The following ROBO1 variants were observed in gnomAD, a reference collection of about 807,000 sequenced individuals.
ROBO1 encodes the protein roundabout homolog 1.
Under a neutral mutation model 195.9 loss-of-function variants are expected in ROBO1, and 149 were observed. That is an observed-to-expected ratio of 0.76 (90% CI 0.67 to 0.87). ROBO1 has a LOEUF of 0.87. ROBO1 is among the 40% of genes least tolerant of loss of function. The probability of loss-of-function intolerance (pLI) is 0.00; values close to 1 mark genes in which losing one functional copy is unlikely to be tolerated. For synonymous variants in ROBO1, 816 were observed against 733.2 expected (o/e 1.11, Z -1.82); for missense variants, 1,933 against 2,068.3 (o/e 0.93, Z 1.27).
At position 79,054,640 on chromosome 3, in the gene ROBO1, G is replaced by A. The variant is rs551076158; in HGVS notation, c.172+70816C>T. 1.2e-4 allele frequency among the ~76,000 whole-genome samples: 19 copies of A among 152,164 alleles called. No individual in the cohort carries two copies. In the East Asian group the frequency reaches 1.7e-3, roughly 14 times the overall value. ...AATTGAGGTCAACTTGGTCATACTC[G>A]TAAAAATTGCACTTAAAAACTTAAA... On this transcript the variant is annotated intron_variant, in intron 3 of 30. Coordinates refer to ENST00000464233, the MANE Select transcript of ROBO1 (RefSeq NM_002941.4).
chr3:78,985,862 T>C (rs1251676340), intron 3 of ROBO1, among the ~76,000 whole-genome samples: 2 of 152,138 alleles, frequency 1.3e-5, no homozygotes, highest in Admixed American at 6.6e-5. Flanking sequence ...TAAAGTATCA[T>C]GGAAATTCTG....
chr3:78,931,147 A>AC (rs2039499932), intron 4 of ROBO1, among the ~76,000 whole-genome samples: 1 of 150,158 alleles, frequency 6.7e-6, no homozygotes, highest in Admixed American at 6.6e-5. Flanking sequence ...AAAAAAAATC[A>AC]CTTTTTTTTG....
intron 2 of ROBO1, among the ~76,000 whole-genome samples, chr3:79,316,818 A>T (rs1488435186): frequency 1.3e-5 from 2 of 152,134 alleles, no homozygotes; most frequent in Admixed American, 1.3e-4. Flanking sequence ...AATTAAATAT[A>T]TCAATGGCCA....
intron 1 of ROBO1, among the ~76,000 whole-genome samples, chr3:79,721,482 A>C (rs560276275): frequency 2.6e-5 from 4 of 152,316 alleles, no homozygotes; most frequent in East Asian, 1.9e-4. Context: ...GGAAACTGTC[A>C]AACTTTCTGG....
intron 2 of ROBO1, among the ~76,000 whole-genome samples, chr3:79,581,444 T>C (rs1943658695): frequency 6.6e-6 from 1 of 152,148 alleles, no homozygotes; most frequent in African/African-American, 2.4e-5. Flanking sequence ...TACGAGTTTC[T>C]TCATTGAGTA....
intron 1 of ROBO1, among the ~76,000 whole-genome samples, chr3:79,751,493 C>A (rs1704128661): frequency 6.6e-6 from 1 of 152,012 alleles, no homozygotes; most frequent in South Asian, 2.1e-4. Context: ...TAGGTAAAAT[C>A]ACTTATCTGT....
chr3:79,680,734 G>C (rs1482190026), intron 1 of ROBO1, among the ~76,000 whole-genome samples: 1 of 151,964 alleles, frequency 6.6e-6, no homozygotes, highest in Admixed American at 6.6e-5. Context: ...GGAATTGAGA[G>C]TGTTGTATTA....
At chr3:79,574,236 C>T (rs987272166) in intron 2 of ROBO1, among the ~76,000 whole-genome samples, 1 of 151,948 alleles carries the variant, frequency 6.6e-6, no homozygotes, top group African/African-American at 2.4e-5. Flanking sequence ...TTTAATACAG[C>T]ACTTTCAATA....
intron 2 of ROBO1, among the ~76,000 whole-genome samples, chr3:79,459,499 A>G (rs1038315452): frequency 1.4e-5 from 2 of 146,662 alleles, no homozygotes; most frequent in East Asian, 4.0e-4. Context: ...AACCAATAAT[A>G]TTTTCATTGA....
intron 3 of ROBO1, among the ~76,000 whole-genome samples, chr3:79,052,500 ATG>A (rs1307189886): frequency 6.6e-6 from 1 of 152,000 alleles, no homozygotes; most frequent in African/African-American, 2.4e-5. Flanking sequence ...CCTTTGAAGT[ATG>A]TGATCTCTGT....
chr3:79,230,388 G>A (rs1279411415), intron 2 of ROBO1, among the ~76,000 whole-genome samples: 1 of 151,938 alleles, frequency 6.6e-6, no homozygotes, highest in African/African-American at 2.4e-5. Context: ...GTAGATTGCT[G>A]CGGTGATAGC....
chr3:79,007,382 T>G (rs1309781669), intron 3 of ROBO1, among the ~76,000 whole-genome samples: 1 of 152,164 alleles, frequency 6.6e-6, no homozygotes, highest in African/African-American at 2.4e-5. Flanking sequence ...AAGACCGTGC[T>G]CAGGGTACCA....
intron 2 of ROBO1, among the ~76,000 whole-genome samples, chr3:79,241,221 C>T (rs1046392972): frequency 6.6e-6 from 1 of 152,112 alleles, no homozygotes; most frequent in African/African-American, 2.4e-5. Context: ...GCTACAAAGT[C>T]TCTAGATAGC....
At chr3:79,175,026 C>T (rs1002837237) in intron 2 of ROBO1, among the ~76,000 whole-genome samples, 5 of 151,946 alleles carry the variant, frequency 3.3e-5, no homozygotes, top group African/African-American at 1.2e-4. Context: ...TCAGGAAAAA[C>T]TAAATGCCAG....
chr3:79,523,755 T>C (rs1941313708), intron 2 of ROBO1, among the ~76,000 whole-genome samples: 1 of 152,180 alleles, frequency 6.6e-6, no homozygotes, highest in Non-Finnish European at 1.5e-5. Context: ...ATTACAGGCA[T>C]GAGCCACTGC....
At chr3:78,811,809 A>G (rs915609420) in intron 4 of ROBO1, among the ~76,000 whole-genome samples, 6 of 152,026 alleles carry the variant, frequency 3.9e-5, no homozygotes, top group African/African-American at 1.4e-4. Context: ...TTTTTCATCT[A>G]TAAGTTCTCT....
chr3:78,823,555 G>A (rs955110054), intron 4 of ROBO1, among the ~76,000 whole-genome samples: 5 of 152,174 alleles, frequency 3.3e-5, no homozygotes, highest in Non-Finnish European at 5.9e-5. Context: ...GAAAGCATGT[G>A]TCCAGGCAAT....
chr3:79,556,662 A>T (rs1942712111), intron 2 of ROBO1, among the ~76,000 whole-genome samples: 1 of 151,998 alleles, frequency 6.6e-6, no homozygotes, highest in African/African-American at 2.4e-5. Context: ...GTATGCACAT[A>T]TATTTATATG....
intron 2 of ROBO1, among the ~76,000 whole-genome samples, chr3:79,574,238 C>T (rs752229201): frequency 2.6e-5 from 4 of 152,112 alleles, no homozygotes; most frequent in Non-Finnish European, 5.9e-5. Flanking sequence ...TAATACAGCA[C>T]TTTCAATATT....
Sources: allele counts gnomAD v4.1 joint callset (sites outside exome capture counted in the v4.1 genomes callset), GRCh38; gene constraint gnomAD v4.1.1; transcripts MANE v1.5; gene names NCBI Gene and HGNC (gene_info 2026-07-23, HGNC 2026-07-21).